Variants in CASZ1 observed in about 807,000 individuals in gnomAD.
The protein encoded by CASZ1 is zinc finger protein castor homolog 1.
A neutral mutation model predicts 135.2 loss-of-function variants in CASZ1; 28 were observed. That is an observed-to-expected ratio of 0.21 (90% confidence interval 0.15 to 0.28). The LOEUF (loss-of-function observed/expected upper bound fraction) is 0.28, where lower values mean the gene tolerates loss of function less well. Ranked by LOEUF, CASZ1 falls within the 10% of genes least tolerant of loss-of-function variation. CASZ1 has a pLI of 1.00. For missense variants in CASZ1, 2,161 were observed against 2,453.3 expected (o/e 0.88, Z 2.52); for synonymous variants, 1,068 against 1,073.4 (o/e 0.99, Z 0.10).
At chr1:10,644,199 C>T (rs1048884473) in intron 18 of CASZ1, among the ~76,000 whole-genome samples, 2 of 152,176 alleles carry the variant, frequency 1.3e-5, no homozygotes, top group African/African-American at 2.4e-5. Flanking sequence ...CCCGCCTGCC[C>T]GTGGGTTCTG....
intron 4 of CASZ1, among the ~76,000 whole-genome samples, chr1:10,670,873 G>C (rs575618284): frequency 2.0e-5 from 3 of 151,744 alleles, no homozygotes; most frequent in Non-Finnish European, 4.4e-5. Context: ...CATCCCCTCC[G>C]AGAAGGGAGT....
At chr1:10,668,203 C>A (rs988353821) in intron 4 of CASZ1, among the ~76,000 whole-genome samples, 2 of 152,120 alleles carry the variant, frequency 1.3e-5, no homozygotes, top group Admixed American at 6.5e-5. Flanking sequence ...CTAAGCTTTC[C>A]GCCGCCTTCC....
intron 2 of CASZ1, among the ~76,000 whole-genome samples, chr1:10,744,882 C>T (rs1003723221): frequency 7.9e-5 from 12 of 152,288 alleles, no homozygotes; most frequent in African/African-American, 1.9e-4. Context: ...CCCCGGTACA[C>T]GGTACACGCA....
At position 10,679,541 on chromosome 1, in the gene CASZ1, C is replaced by T. The variant is rs1017277998; in HGVS notation, c.17-13970G>A. The stretch of plus-strand genomic sequence containing the variant: ...ACTCTGGCATTCTCCTAGGGCCCCC[C>T]GCGGGCCCCTCCTCCCCATACCATA... On this transcript the variant is annotated intron_variant, in intron 4 of 20. Transcript: ENST00000377022. The surrounding 1 kb of genome is among the most constrained non-coding windows in gnomAD (Gnocchi z 4.7). Among the ~76,000 whole-genome samples, 9 of 152,178 alleles carry T rather than the reference C, an allele frequency of 5.9e-5. No individual in the cohort carries two copies. Among genetic ancestry groups the T allele is most frequent in the Non-Finnish European group, 1.0e-4 (7 of 68,032 alleles).
intron 4 of CASZ1, among the ~76,000 whole-genome samples, chr1:10,667,892 G>C (rs2100302855): frequency 7.0e-6 from 1 of 143,368 alleles, no homozygotes; most frequent in South Asian, 2.3e-4. Flanking sequence ...GCCTGGCTCA[G>C]TCCCTGCCCG....
Position 10,649,323 on chromosome 1 carries a change from G to C in CASZ1, c.2995C>G (p.Gln999Glu), listed in dbSNP as rs754054540. 5 of 1,596,710 alleles carry C rather than the reference G, an allele frequency of 3.1e-6. No individual in the cohort carries two copies. The South Asian group carries it at 4.5e-5, about 14-fold the overall frequency. Reference protein sequence around the residue: ...FLGKAVKALVQEKLAEPWKVY... With the variant: ...FLGKAVKALVEEKLAEPWKVY... The stretch of plus-strand genomic sequence containing the variant: ...TTCCAGGGCTCTGCCAACTTCTCCT[G>C]AACCAGCGCCTTCACGGCCTTGCCT... Residue 999 changes from glutamine (Q) to glutamate (E), a missense_variant, in exon 14 of 21, where the codon CAG becomes GAG. This residue lies in a region of CASZ1 where 406 missense variants were observed against 387.6 expected (regional missense o/e 1.05). Transcript: ENST00000377022.
In CASZ1 at chr1:10,774,299, C is replaced by T. The variant is rs1640625244; in HGVS notation, c.-233-13442G>A. On this transcript the variant is annotated intron_variant, in intron 1 of 20. Coordinates refer to ENST00000377022, the MANE Select transcript of CASZ1 (RefSeq NM_001079843.3). This position sits in a 1 kb window ranked among gnomAD's most constrained non-coding sequence, Gnocchi z 4.4. ...ACCATTTCAAAAGCTAAACAATCTA[C>T]CCCTTTTAAATGTTCTCAACTCTGA... Among the ~76,000 whole-genome samples the T allele has an allele frequency of 6.6e-6, 1 of 152,262 alleles. No individual in the cohort carries two copies. Among genetic ancestry groups the T allele is most frequent in the East Asian group, 1.9e-4 (1 of 5,170 alleles).
At chr1:10,761,069 G>A (rs1388671706) in intron 1 of CASZ1, among the ~76,000 whole-genome samples, 1 of 152,204 alleles carries the variant, frequency 6.6e-6, no homozygotes, top group Admixed American at 6.5e-5. Context: ...CGCACCCTTC[G>A]CACAATTATT....
intron 2 of CASZ1, among the ~76,000 whole-genome samples, chr1:10,754,739 C>T (rs1640216724): frequency 6.6e-6 from 1 of 152,216 alleles, no homozygotes; most frequent in African/African-American, 2.4e-5. Context: ...CTCACAGCTG[C>T]TGCCCGGGCC....
rs4002551 is a variant in CASZ1 at position 10,794,176 on chromosome 1, C to CGT, written c.-234+2386_-234+2387dup. 0.015 allele frequency among the ~76,000 whole-genome samples: 2,175 copies of CGT among 148,466 alleles called. 33 individuals carry two copies. Among genetic ancestry groups the CGT allele is most frequent in the African/African-American group, 0.039 (1,562 of 40,560 alleles). ...GTGTGTGCGTGTTTGTATGTGTATGCGTGTGTGTGTGTGTGTGTGTGTGCG... is the reference window on the plus strand; with the variant it reads ...GTGTGTGCGTGTTTGTATGTGTATGCGTGTGTGTGTGTGTGTGTGTGTGTGCG... On this transcript the variant is annotated intron_variant, in intron 1 of 20. Transcript: ENST00000377022. The surrounding 1 kb of genome is among the most constrained non-coding windows in gnomAD (Gnocchi z 5.6).
chr1:10,730,784 GTAATGATAC>G (rs1313520593), intron 2 of CASZ1, among the ~76,000 whole-genome samples: 1 of 152,216 alleles, frequency 6.6e-6, no homozygotes, highest in African/African-American at 2.4e-5. Flanking sequence ...GATGAGACCA[GTAATGATAC>G]TAATGACTGT....
rs941735754 is a variant in CASZ1, at chr1:10,701,004, C to T, written c.-24+4488G>A. Among the ~76,000 whole-genome samples, 5 of 152,212 alleles carry T rather than the reference C, an allele frequency of 3.3e-5. No homozygotes were observed. Among genetic ancestry groups the T allele is most frequent in the African/African-American group, 9.6e-5 (4 of 41,456 alleles). ...GAGTTGTTGTCACACAGCACTCAGC[C>T]CGCACACAGTCAGTGCTCAATAAGG... On this transcript the variant is annotated intron_variant, in intron 3 of 20. Coordinates refer to ENST00000377022, the MANE Select transcript of CASZ1 (RefSeq NM_001079843.3). This position sits in a 1 kb window ranked among gnomAD's most constrained non-coding sequence, Gnocchi z 6.3.
intron 2 of CASZ1, among the ~76,000 whole-genome samples, chr1:10,750,379 G>A (rs1280046348): frequency 6.6e-6 from 1 of 152,154 alleles, no homozygotes; most frequent in Non-Finnish European, 1.5e-5. Flanking sequence ...GGGCTCCAGT[G>A]ATTCTCCCAC....
At chr1:10,655,838 G>A (rs1263467522) in intron 8 of CASZ1, 25 bp from the exon 9 acceptor site, 1 of 1,608,820 alleles carries the variant, frequency 6.2e-7, no homozygotes, top group Non-Finnish European at 8.5e-7. Flanking sequence ...CGCCACGTGG[G>A]CAGGAGCCTG....
intron 2 of CASZ1, among the ~76,000 whole-genome samples, chr1:10,718,010 A>G (rs758968412): frequency 6.6e-6 from 1 of 152,174 alleles, no homozygotes. Flanking sequence ...GGGCAGACAC[A>G]CTCAGCAAAG....
rs181275062 is a variant in CASZ1 at position 10,657,270 on chromosome 1, G to A, written c.1410-534C>T. The stretch of plus-strand genomic sequence containing the variant: ...TCACTCTCCAGCCGCCGCCGCCACC[G>A]CCAGGAACCTGTGCTGCCTCCCAGG... On this transcript the variant is annotated intron_variant, in intron 7 of 20. Transcript: ENST00000377022. This position sits in a 1 kb window ranked among gnomAD's most constrained non-coding sequence, Gnocchi z 5.7. Among the ~76,000 whole-genome samples the A allele has an allele frequency of 1.8e-4, 27 of 152,346 alleles. No homozygotes were observed. The East Asian group carries it at 2.7e-3, about 15-fold the overall frequency.
chr1:10,663,163 A>C (rs1052161023), intron 5 of CASZ1, among the ~76,000 whole-genome samples: 3 of 152,198 alleles, frequency 2.0e-5, no homozygotes, highest in Admixed American at 6.5e-5. Context: ...CTACACAGCC[A>C]AGGGAAGGCG....
intron 1 of CASZ1, among the ~76,000 whole-genome samples, chr1:10,782,754 C>T (rs1640785384): frequency 6.6e-6 from 1 of 151,854 alleles, no homozygotes; most frequent in Non-Finnish European, 1.5e-5. Context: ...GGGAGTGGGC[C>T]TGGTCACCTG....
rs979599879 is a variant in CASZ1 at position 10,679,602 on chromosome 1, C to A, written c.17-14031G>T. On this transcript the variant is annotated intron_variant, in intron 4 of 20. Transcript: ENST00000377022. The surrounding 1 kb of genome is among the most constrained non-coding windows in gnomAD (Gnocchi z 4.7). ...CCAGCCTGCAACAGCTGCACCTCCACCCCCAGCCTGGGTCGAGTGGGTGGT... is the reference window on the plus strand; with the variant it reads ...CCAGCCTGCAACAGCTGCACCTCCAACCCCAGCCTGGGTCGAGTGGGTGGT... Among the ~76,000 whole-genome samples the A allele has an allele frequency of 6.6e-6, 1 of 152,188 alleles. No individual in the cohort carries two copies. Among genetic ancestry groups the A allele is most frequent in the African/African-American group, 2.4e-5 (1 of 41,438 alleles).
Sources: gnomAD v4.1 joint callset for allele counts (sites outside exome capture counted in the v4.1 genomes callset) on GRCh38, gnomAD v4.1.1 for gene constraint, gnomAD v4.1.1 regional missense constraint, Gnocchi (gnomAD v3.1) non-coding constraint, MANE v1.5 for transcripts, NCBI Gene and HGNC (gene_info 2026-07-23, HGNC 2026-07-21) for gene names.